CNTN3: variants seen among roughly 807,000 people sequenced by gnomAD.
CNTN3 encodes contactin-3.
CNTN3 carries 60 observed loss-of-function variants against 119.1 expected under a neutral mutation model. The ratio of observed to expected loss-of-function variants is 0.50; its 90% CI spans 0.41 to 0.62. The LOEUF (loss-of-function observed/expected upper bound fraction) is 0.62, where lower values mean the gene tolerates loss of function less well. Ranked by LOEUF, CNTN3 falls within the 20% of genes least tolerant of loss-of-function variation. The pLI, the probability that CNTN3 is intolerant of heterozygous loss-of-function variation, is 0.00. For missense variants in CNTN3, 1,101 were observed against 1,242.4 expected (o/e 0.89, Z 1.71); for synonymous variants, 450 against 438.7 (o/e 1.03, Z -0.32).
chr3:74,321,045 T>C (rs954012081), intron 13 of CNTN3, among the ~76,000 whole-genome samples: 8 of 150,876 alleles, frequency 5.3e-5, no homozygotes, highest in African/African-American at 1.5e-4. Flanking sequence ...GAAAACCAAA[T>C]ACCAAATGTT....
chr3:74,297,813 A>C, intron 18 of CNTN3, 144 bp downstream of exon 18: 1 of 611,168 alleles, frequency 1.6e-6, no homozygotes, highest in South Asian at 2.2e-5. Context: ...GATCTTTATG[A>C]CTTGCACTGG....
chr3:74,464,466 G>A (rs931539196), intron 4 of CNTN3, among the ~76,000 whole-genome samples: 1 of 152,038 alleles, frequency 6.6e-6, no homozygotes, highest in African/African-American at 2.4e-5. Flanking sequence ...GGCATGAGAT[G>A]GGCAGAAGGA....
chr3:74,596,490 T>C (rs866711529), intron 1 of CNTN3, among the ~76,000 whole-genome samples: 3 of 152,064 alleles, frequency 2.0e-5, no homozygotes, highest in Admixed American at 6.5e-5. Context: ...AAAACAGAGA[T>C]ATAGATCAAT....
At chr3:74,585,356 A>G (rs1241566523) in intron 1 of CNTN3, among the ~76,000 whole-genome samples, 1 of 152,152 alleles carries the variant, frequency 6.6e-6, no homozygotes. Flanking sequence ...ATATTAAAGG[A>G]TAACTATATA....
intron 1 of CNTN3, among the ~76,000 whole-genome samples, chr3:74,592,911 G>A (rs1704729991): frequency 1.3e-5 from 2 of 151,910 alleles, no homozygotes; most frequent in Non-Finnish European, 2.9e-5. Flanking sequence ...AGCAACTGCT[G>A]CCTTTAATCA....
intron 4 of CNTN3, among the ~76,000 whole-genome samples, chr3:74,442,250 T>C (rs1038284748): frequency 2.6e-5 from 4 of 152,012 alleles, no homozygotes; most frequent in African/African-American, 2.4e-5. Flanking sequence ...CCACCATAAA[T>C]CAGTCTCTTC....
chr3:74,323,635 C>T (rs1023830900), intron 13 of CNTN3, among the ~76,000 whole-genome samples: 1 of 152,166 alleles, frequency 6.6e-6, no homozygotes, highest in Non-Finnish European at 1.5e-5. Context: ...TAAAAAACTA[C>T]CTAAGCCAGC....
intron 11 of CNTN3, among the ~76,000 whole-genome samples, chr3:74,351,721 T>A (rs138687233): frequency 1.3e-5 from 2 of 152,134 alleles, no homozygotes; most frequent in East Asian, 3.9e-4. Flanking sequence ...AGGGGAAGAT[T>A]TGTAAGTATA....
intron 1 of CNTN3, among the ~76,000 whole-genome samples, chr3:74,550,480 G>A (rs1703974140): frequency 6.6e-6 from 1 of 152,206 alleles, no homozygotes; most frequent in African/African-American, 2.4e-5. Flanking sequence ...ACTCAGGTAA[G>A]GAAGAACTGC....
intron 13 of CNTN3, among the ~76,000 whole-genome samples, chr3:74,311,190 G>A (rs933093886): frequency 6.6e-5 from 10 of 152,124 alleles, no homozygotes; most frequent in Non-Finnish European, 1.0e-4. Flanking sequence ...CCTCTCCCAG[G>A]AGAGTTGCTC....
At chr3:74,570,544 CAAA>C (rs56396416) in intron 1 of CNTN3, among the ~76,000 whole-genome samples, 12 of 138,538 alleles carry the variant, frequency 8.7e-5, no homozygotes, top group Admixed American at 1.5e-4. Context: ...CTTCTAAGGA[CAAA>C]AAAAAAAAAA....
chr3:74,591,717 T>C (rs1008446641), intron 1 of CNTN3, among the ~76,000 whole-genome samples: 4 of 151,432 alleles, frequency 2.6e-5, no homozygotes, highest in Admixed American at 6.6e-5. Flanking sequence ...ACAGGGAAGA[T>C]GTATGGTCCT....
intron 11 of CNTN3, among the ~76,000 whole-genome samples, chr3:74,351,817 A>G (rs1559559185): frequency 6.6e-6 from 1 of 152,182 alleles, no homozygotes; most frequent in Non-Finnish European, 1.5e-5. Context: ...CTGGGATTTC[A>G]TTGACTCTTC....
chr3:74,285,559 C>T (rs1702094621), intron 19 of CNTN3, 68 bp from the exon 20 acceptor site: 1 of 1,443,384 alleles, frequency 6.9e-7, no homozygotes, highest in East Asian at 2.3e-5. Flanking sequence ...AAGTGATTTT[C>T]ATTAAAATGG....
At position 74,521,045 on chromosome 3, in the gene CNTN3, GA is replaced by G. The variant is rs1703534819; in HGVS notation, c.55+12del. ...TCTAACCTCAACTTAGAAAATATAG[GA>G]TTTTTTTTTACCTCCTAAGCAGCCA... On this transcript the variant is annotated intron_variant, in intron 2 of 22. Transcript: ENST00000263665. The G allele has an allele frequency of 1.3e-6, 2 of 1,556,762 alleles. No individual in the cohort carries two copies. Among genetic ancestry groups the G allele is most frequent in the African/African-American group, 2.7e-5 (2 of 72,770 alleles).
At chr3:74,477,318 T>C (rs1407354912) in intron 4 of CNTN3, among the ~76,000 whole-genome samples, 1 of 152,136 alleles carries the variant, frequency 6.6e-6, no homozygotes, top group African/African-American at 2.4e-5. Context: ...CCTTGAGCAA[T>C]ACACTTTACT....
In CNTN3 at chr3:74,365,563, T is replaced by C. The variant is rs759412154; in HGVS notation, c.1083+3A>G. The C allele has an allele frequency of 3.7e-6, 6 of 1,613,198 alleles. No individual in the cohort carries two copies. The highest frequency in any genetic ancestry group is 1.7e-4 in the Middle Eastern group (1 of 6,034). On this transcript the variant is annotated splice_donor_region_variant and intron_variant, in intron 9 of 22. Transcript: ENST00000263665. ...AACCCATTTTAGGTCCATGTTACCTTACCTCTAGCACCAGGGCTGCTCCAT... is the reference window on the plus strand; with the variant it reads ...AACCCATTTTAGGTCCATGTTACCTCACCTCTAGCACCAGGGCTGCTCCAT...
At chr3:74,363,619 A>T (rs1234715815) in intron 10 of CNTN3, among the ~76,000 whole-genome samples, 1 of 152,190 alleles carries the variant, frequency 6.6e-6, no homozygotes, top group Non-Finnish European at 1.5e-5. Flanking sequence ...GGCCAATGGC[A>T]TGCAACACTT....
chr3:74,567,047 G>T (rs991187055), intron 1 of CNTN3, among the ~76,000 whole-genome samples: 1 of 152,116 alleles, frequency 6.6e-6, no homozygotes, highest in Non-Finnish European at 1.5e-5. Flanking sequence ...GAGCAGGCTG[G>T]AGAGCGTAGC....
Sources: gnomAD v4.1 joint callset for allele counts (sites outside exome capture counted in the v4.1 genomes callset) on GRCh38, gnomAD v4.1.1 for gene constraint, MANE v1.5 for transcripts, NCBI Gene and HGNC (gene_info 2026-07-23, HGNC 2026-07-21) for gene names.